PARL: variants seen among roughly 807,000 people sequenced by gnomAD.
The protein encoded by PARL is presenilin associated rhomboid like.
A neutral mutation model predicts 51.6 loss-of-function variants in PARL; 44 were observed. The ratio of observed to expected loss-of-function variants is 0.85; its 90% confidence interval spans 0.67 to 1.10. The LOEUF is 1.10. PARL is among the 50% of genes least tolerant of loss of function. The pLI is 0.00. For missense variants in PARL, 441 were observed against 469.5 expected (o/e 0.94, Z 0.56); for synonymous variants, 172 against 164.0 (o/e 1.05, Z -0.37).
chr3:183,842,352 T>G lies in PARL; in HGVS notation c.703A>C (p.Ser235Arg). The G allele has an allele frequency of 6.2e-7, 1 of 1,613,726 alleles. No individual in the cohort carries two copies. The highest frequency in any genetic ancestry group is 1.1e-5 in the South Asian group (1 of 91,064). ...TCTTGACCCAGAATGTTCACTATGC[T>G]GGAAGAGAAGCTCCACAAAACATAC... ...NMYVLWSFSS[S>R]IVNILGQEQF... Residue 235 changes from serine (S) to arginine (R), a missense_variant, in exon 6 of 10, where the codon AGC becomes CGC. By Grantham distance (110) the Ser-to-Arg change is moderately radical. Transcript: ENST00000317096.
At chr3:183,853,062 G>T (rs544594568) in intron 4 of PARL, among the ~76,000 whole-genome samples, 2 of 152,256 alleles carry the variant, frequency 1.3e-5, no homozygotes, top group South Asian at 4.1e-4. Context: ...TCATGACACT[G>T]GACTTGGTAA....
chr3:183,853,895 T>G (rs1158113441), intron 4 of PARL, among the ~76,000 whole-genome samples: 1 of 152,044 alleles, frequency 6.6e-6, no homozygotes, highest in East Asian at 1.9e-4. Context: ...CCTCAAAAAA[T>G]TAAAAATACA....
chr3:183,884,172 G>T (rs1300369975), intron 1 of PARL, among the ~76,000 whole-genome samples: 5 of 152,188 alleles, frequency 3.3e-5, no homozygotes, highest in Admixed American at 2.0e-4. Context: ...TACTCGGAAG[G>T]TTCGGCAGTT....
At chr3:183,855,872 A>C (rs1462433100) in intron 4 of PARL, among the ~76,000 whole-genome samples, 6 of 152,044 alleles carry the variant, frequency 3.9e-5, no homozygotes, top group Non-Finnish European at 8.8e-5. Context: ...AGGCAGGAGA[A>C]TCACCTGAAT....
At chr3:183,882,204 TA>T (rs1209073220) in intron 1 of PARL, among the ~76,000 whole-genome samples, 6,991 of 61,298 alleles carry the variant, frequency 0.11, 642 homozygotes, top group African/African-American at 0.22. Context: ...ACAATGTCTC[TA>T]AAAAAAAAAA....
rs956042485 is a variant in PARL, at chr3:183,829,349, G to A, written c.*249C>T. On this transcript the variant is annotated 3_prime_UTR_variant, in exon 10 of 10. Coordinates refer to ENST00000317096, the MANE Select transcript of PARL (RefSeq NM_018622.7). Reference sequence around the variant, plus strand: ...ATGCAACAACCAAAGCAAAATGCCAGAGCCGTGTCGGCCCCTTAAAGAGAG... The same window carrying A: ...ATGCAACAACCAAAGCAAAATGCCAAAGCCGTGTCGGCCCCTTAAAGAGAG... 3 of 1,330,372 alleles carry A rather than the reference G, an allele frequency of 2.3e-6. No homozygotes were observed. The highest frequency in any genetic ancestry group is 2.9e-6 in the Non-Finnish European group (3 of 1,018,602). 82.4% of individuals were successfully genotyped at this position (1,330,372 alleles called of 1,614,324 possible). A position where few individuals can be genotyped will look rare whatever the true frequency, so the allele number is the denominator to read the frequency against.
intron 5 of PARL, 22 bp from the exon 6 acceptor site, chr3:183,842,469 T>C: frequency 6.2e-7 from 1 of 1,608,620 alleles, no homozygotes; most frequent in Non-Finnish European, 8.5e-7. Context: ...AGAAACATAG[T>C]CTGGTAATCA....
At chr3:183,852,966 A>G (rs1404478408) in intron 4 of PARL, among the ~76,000 whole-genome samples, 2 of 152,170 alleles carry the variant, frequency 1.3e-5, no homozygotes, top group East Asian at 3.8e-4. Context: ...TTATACCAAT[A>G]TACAAAAATT....
Position 183,844,300 on chromosome 3 carries a change from A to G in PARL, c.538T>C (p.Phe180Leu). The change falls in exon 5 of 10, where the codon TTC becomes CTC. Residue 180 changes from phenylalanine to leucine, a missense_variant. Phe to Leu is a conservative substitution (Grantham distance 22). Coordinates refer to ENST00000317096, the MANE Select transcript of PARL (RefSeq NM_018622.7). ...TGIIAANVLV[F>L]CLWRVPSLQR... Reference sequence around the variant, plus strand: ...AGAGAAGGTACTCTCCATAAACAGAATACAAGGACATTTGCAGCTATAATA... The same window carrying G: ...AGAGAAGGTACTCTCCATAAACAGAGTACAAGGACATTTGCAGCTATAATA... 1 of 1,604,166 alleles carries G rather than the reference A, an allele frequency of 6.2e-7. No individual in the cohort carries two copies. The highest frequency in any genetic ancestry group is 1.1e-5 in the South Asian group (1 of 90,880).
chr3:183,877,512 A>G (rs1180015577), intron 1 of PARL, among the ~76,000 whole-genome samples: 1 of 152,232 alleles, frequency 6.6e-6, no homozygotes, highest in Non-Finnish European at 1.5e-5. Flanking sequence ...ATCAGACAGC[A>G]TCACATGCTA....
intron 1 of PARL, among the ~76,000 whole-genome samples, chr3:183,882,221 AAATAT>A (rs1734534234): frequency 2.1e-5 from 1 of 48,296 alleles, no homozygotes; most frequent in African/African-American, 1.3e-4. Context: ...AAAAAAAAAA[AAATAT>A]ATATATATAT....
At chr3:183,843,645 A>G (rs536062022) in intron 5 of PARL, among the ~76,000 whole-genome samples, 25 of 152,264 alleles carry the variant, frequency 1.6e-4, no homozygotes, top group African/African-American at 4.8e-4. Context: ...CCTGGCTAAC[A>G]TGTTGAAACC....
intron 7 of PARL, among the ~76,000 whole-genome samples, chr3:183,837,546 A>G (rs1355880456): frequency 1.3e-5 from 2 of 152,118 alleles, no homozygotes; most frequent in South Asian, 2.1e-4. Context: ...GGTAGCCTGC[A>G]CGCCCTCAGC....
At chr3:183,883,290 A>AT (rs1387235377) in intron 1 of PARL, among the ~76,000 whole-genome samples, 1 of 152,142 alleles carries the variant, frequency 6.6e-6, no homozygotes, top group Non-Finnish European at 1.5e-5. Flanking sequence ...TTTATTTTAC[A>AT]TGGAGTCTCA....
At chr3:183,852,699 T>C (rs1730688137) in intron 4 of PARL, among the ~76,000 whole-genome samples, 1 of 152,178 alleles carries the variant, frequency 6.6e-6, no homozygotes, top group South Asian at 2.1e-4. Flanking sequence ...TGAATGTACT[T>C]AAAGCAACTA....
chr3:183,881,910 A>G (rs1734476697), intron 1 of PARL, among the ~76,000 whole-genome samples: 1 of 152,114 alleles, frequency 6.6e-6, no homozygotes, highest in South Asian at 2.1e-4. Context: ...TCTTACTTAA[A>G]GATATTTTGA....
intron 7 of PARL, among the ~76,000 whole-genome samples, chr3:183,838,940 TG>T: frequency 6.6e-6 from 1 of 152,356 alleles, no homozygotes; most frequent in East Asian, 1.9e-4. Flanking sequence ...GATGTGTGTA[TG>T]TTTTCTCCCC....
intron 1 of PARL, 33 bp from the exon 2 acceptor site, chr3:183,868,093 G>A (rs370187907): frequency 5.4e-5 from 81 of 1,509,426 alleles, no homozygotes; most frequent in Non-Finnish European, 7.4e-5. Context: ...GAGAAACACA[G>A]TAGCGTCTTG....
downstream of PARL, among the ~76,000 whole-genome samples, chr3:183,827,474 A>T (rs1269362755): frequency 6.6e-6 from 1 of 152,138 alleles, no homozygotes; most frequent in Admixed American, 6.5e-5. Context: ...TTCACAGGTG[A>T]CAACAAAGGA....
Sources: gnomAD v4.1 joint callset for allele counts (sites outside exome capture counted in the v4.1 genomes callset) on GRCh38, gnomAD v4.1.1 for gene constraint, MANE v1.5 for transcripts, NCBI Gene and HGNC (gene_info 2026-07-23, HGNC 2026-07-21) for gene names.